The following CCDC110 variants were observed in gnomAD, a reference collection of about 807,000 sequenced individuals.
CCDC110 encodes coiled-coil domain-containing protein 110.
Under a neutral mutation model 77.1 loss-of-function variants are expected in CCDC110, and 70 were observed. That is an observed-to-expected ratio of 0.91 (90% confidence interval 0.75 to 1.11). The LOEUF is 1.11. CCDC110 is among the 50% of genes least tolerant of loss of function. The pLI is 0.00. For synonymous variants in CCDC110, 295 were observed against 312.5 expected (o/e 0.94, Z 0.59); for missense variants, 868 against 942.9 (o/e 0.92, Z 1.04).
Position 185,445,403 on chromosome 4 carries a change from T to C in CCDC110, c.*99A>G. On this transcript the variant is annotated 3_prime_UTR_variant, in exon 7 of 7. Transcript: ENST00000307588. ...AAAGCAAATATATAGCGCCTCATTA[T>C]GAGTCATTTGAGATGAGTTAGATAT... 3.4e-6 allele frequency: 3 copies of C among 888,854 alleles called. No homozygotes were observed. The highest frequency in any genetic ancestry group is 5.4e-6 in the Non-Finnish European group (3 of 558,244). 55.1% of individuals were successfully genotyped at this position (888,854 alleles called of 1,614,324 possible).
chr4:185,461,248 GT>G (rs2095645905), intron 4 of CCDC110, 89 bp from the exon 5 acceptor site: 1 of 642,266 alleles, frequency 1.6e-6, no homozygotes, highest in African/African-American at 1.8e-5. Flanking sequence ...TAAAAGGTGT[GT>G]TTAAATTTCC....
intron 1 of CCDC110, 193 bp downstream of exon 1, chr4:185,471,481 T>C (rs2095667677): frequency 3.5e-6 from 2 of 570,232 alleles, no homozygotes; most frequent in South Asian, 5.6e-5. Flanking sequence ...GTAGCCAGCC[T>C]GTAAGCCACA....
At chr4:185,467,929 C>T (rs1417567285) in intron 2 of CCDC110, among the ~76,000 whole-genome samples, 4 of 152,144 alleles carry the variant, frequency 2.6e-5, no homozygotes, top group South Asian at 2.1e-4. Flanking sequence ...CCAGCACACC[C>T]GGCTAATTTT....
intron 6 of CCDC110, among the ~76,000 whole-genome samples, chr4:185,453,875 G>A (rs2095632623): frequency 6.7e-6 from 1 of 149,272 alleles, no homozygotes; most frequent in African/African-American, 2.5e-5. Context: ...GTGCAATGGT[G>A]TGATCTCGGC....
Position 185,458,439 on chromosome 4 carries a change from C to A in CCDC110, c.2148G>T (p.Gln716His). 6.3e-7 allele frequency: 1 copy of A among 1,597,608 alleles called. No individual in the cohort carries two copies. Residue 716 changes from glutamine (Q) to histidine (H), a missense_variant, in exon 6 of 7, where the codon CAG becomes CAT. Physicochemically the swap from Gln to His is conservative, Grantham distance 24 (BLOSUM62 0). Transcript: ENST00000307588. Reference protein sequence around the residue: ...KMVMETKTDNQILKEELKKHS... With the variant: ...KMVMETKTDNHILKEELKKHS... ...GTTTCTTTAGTTCTTCTTTTAGAAT[C>A]TGATTATCTGTTTTGGTTTCCATTA...
intron 6 of CCDC110, chr4:185,449,458 G>A (rs1274064631): frequency 5.7e-6 from 3 of 524,174 alleles, no homozygotes; most frequent in African/African-American, 2.0e-5. Flanking sequence ...AGGAGGTTGA[G>A]GTTGCAGTGA....
At chr4:185,450,937 T>G (rs952844355) in intron 6 of CCDC110, among the ~76,000 whole-genome samples, 1 of 152,192 alleles carries the variant, frequency 6.6e-6, no homozygotes, top group Non-Finnish European at 1.5e-5. Context: ...GATATGGTTT[T>G]GCTGTGTCCC....
chr4:185,460,138 C>G lies in CCDC110; in HGVS notation c.449G>C (p.Ser150Thr), dbSNP rs200162386. The change falls in exon 6 of 7, where the codon AGT (serine) becomes ACT (threonine). Residue 150 changes from serine to threonine, a missense_variant. Transcript: ENST00000307588. ...HSVEEKLSGD[S>T]VNSLPQSVNV... is the part of the protein sequence containing the mutation. ...TACACTTTGAGGGAGACTGTTCACA[C>G]TATCACCACTTAATTTTTCTTCCAC... is the stretch of plus-strand genomic sequence containing the variant. The G allele has an allele frequency of 2.5e-5, 40 of 1,613,366 alleles. No individual in the cohort carries two copies. In the East Asian group the frequency reaches 8.9e-4, roughly 36 times the overall value.
chr4:185,446,609 C>A (rs982849297), intron 6 of CCDC110, among the ~76,000 whole-genome samples: 1 of 152,012 alleles, frequency 6.6e-6, no homozygotes, highest in Non-Finnish European at 1.5e-5. Flanking sequence ...TCAGGGACTA[C>A]CTAGTACTAA....
intron 6 of CCDC110, chr4:185,452,149 A>T: frequency 1.0e-6 from 1 of 964,844 alleles, no homozygotes; most frequent in Non-Finnish European, 1.2e-6. Context: ...TAACTTTGAA[A>T]ATGTAACAAT....
intron 6 of CCDC110, among the ~76,000 whole-genome samples, chr4:185,455,938 A>T (rs564503713): frequency 1.3e-5 from 2 of 152,162 alleles, no homozygotes; most frequent in East Asian, 3.9e-4. Flanking sequence ...ACACTAAACA[A>T]ATTTATAGAA....
At position 185,468,559 on chromosome 4, in the gene CCDC110, C is replaced by T. The variant is rs192290632; in HGVS notation, c.115+2386G>A. 1.4e-3 allele frequency among the ~76,000 whole-genome samples: 209 copies of T among 152,290 alleles called. 1 individual carries two copies. Among genetic ancestry groups the T allele is most frequent in the East Asian group, 8.1e-3 (42 of 5,184 alleles). On this transcript the variant is annotated intron_variant, in intron 2 of 6. Coordinates refer to ENST00000307588, the MANE Select transcript of CCDC110 (RefSeq NM_152775.4). The surrounding 1 kb of genome is among the most constrained non-coding windows in gnomAD (Gnocchi z 4.5). ...GTTCTGCTCCATTTACAAGAGCAAC[C>T]GTTCCTCAATCACACCAGCCACGCT...
intron 2 of CCDC110, among the ~76,000 whole-genome samples, chr4:185,469,327 A>G (rs2095661684): frequency 6.6e-6 from 1 of 152,196 alleles, no homozygotes; most frequent in African/African-American, 2.4e-5. Flanking sequence ...GTTTATTAAG[A>G]ACCTGTCCTG....
Position 185,459,279 on chromosome 4 carries a change from T to C in CCDC110, c.1308A>G (p.Lys436=), listed in dbSNP as rs749482938. The change falls in exon 6 of 7, where the codon AAA becomes AAG. Residue 436 remains lysine, a synonymous_variant. Transcript: ENST00000307588. ...AKIQYLQNYL[K]ESVQIQKKVM... is the part of the protein sequence containing the mutation. ...CTTTTTTCTGTATCTGCACAGATTCTTTTAGGTAATTCTGTAAGTACTGAA... is the reference window on the plus strand; with the variant it reads ...CTTTTTTCTGTATCTGCACAGATTCCTTTAGGTAATTCTGTAAGTACTGAA... 1.9e-6 allele frequency: 3 copies of C among 1,613,044 alleles called. No individual in the cohort carries two copies. Among genetic ancestry groups the C allele is most frequent in the Non-Finnish European group, 1.7e-6 (2 of 1,179,384 alleles).
At chr4:185,465,058 T>G (rs564564623) in intron 2 of CCDC110, among the ~76,000 whole-genome samples, 3 of 152,260 alleles carry the variant, frequency 2.0e-5, no homozygotes, top group Non-Finnish European at 4.4e-5. Context: ...TTGCTAGTTA[T>G]GTGATTTATA....
At chr4:185,457,997 T>A in intron 6 of CCDC110, 129 bp downstream of exon 6, 1 of 674,826 alleles carries the variant, frequency 1.5e-6, no homozygotes, top group Non-Finnish European at 2.2e-6. Flanking sequence ...TATAATAAAT[T>A]GGATACAAAT....
At chr4:185,452,473 A>G (rs2095630530) in intron 6 of CCDC110, 2 of 620,140 alleles carry the variant, frequency 3.2e-6, no homozygotes, top group Admixed American at 1.3e-4. Context: ...CTGGAGAGAA[A>G]GTTAAGCAGT....
chr4:185,465,079 G>GT (rs1561168064), intron 2 of CCDC110, among the ~76,000 whole-genome samples: 1 of 152,084 alleles, frequency 6.6e-6, no homozygotes, highest in African/African-American at 2.4e-5. Flanking sequence ...CACTGTGAAG[G>GT]TTTATGTTTA....
At chr4:185,448,629 T>C (rs772843268) in intron 6 of CCDC110, among the ~76,000 whole-genome samples, 7 of 152,190 alleles carry the variant, frequency 4.6e-5, no homozygotes, top group African/African-American at 1.7e-4. Context: ...GTTGGTAAAG[T>C]TGGTAAAGAT....
Sources: allele counts gnomAD v4.1 joint callset (sites outside exome capture counted in the v4.1 genomes callset), GRCh38; gene constraint gnomAD v4.1.1; non-coding constraint Gnocchi (gnomAD v3.1); transcripts MANE v1.5; gene names NCBI Gene and HGNC (gene_info 2026-07-23, HGNC 2026-07-21).